GRID2: variants seen among roughly 807,000 people sequenced by gnomAD.
GRID2 encodes the protein glutamate ionotropic receptor delta type subunit 2.
GRID2 carries 33 observed loss-of-function variants against 114.8 expected under a neutral mutation model. That is an observed-to-expected ratio of 0.29 (90% CI 0.22 to 0.38). The LOEUF (loss-of-function observed/expected upper bound fraction) is 0.38, where lower values mean the gene tolerates loss of function less well. Among genes scored for constraint, GRID2 ranks in the 10% least tolerant of loss-of-function variants. The pLI is 1.00. For synonymous variants in GRID2, 505 were observed against 449.9 expected, an observed-to-expected ratio of 1.12 and a Z score of -1.55; for missense variants, 1,184 against 1,257.7, an observed-to-expected ratio of 0.94 and a Z score of 0.89.
chr4:92,923,325 T>A (rs369234926), intron 2 of GRID2, among the ~76,000 whole-genome samples: 4 of 152,198 alleles, frequency 2.6e-5, no homozygotes, highest in African/African-American at 9.6e-5. Flanking sequence ...TATATTACAA[T>A]GTGAAATCTA....
intron 4 of GRID2, chr4:93,166,239 A>G (rs2149415103): frequency 6.6e-6 from 1 of 152,310 alleles, no homozygotes; most frequent in East Asian, 1.9e-4. Context: ...CTATCTATTA[A>G]AGTGTTTCTT....
chr4:93,590,286 T>A (rs1738073100), intron 13 of GRID2, among the ~76,000 whole-genome samples: 1 of 150,492 alleles, frequency 6.6e-6, no homozygotes, highest in South Asian at 2.1e-4. Context: ...TAGCCAGTTT[T>A]CCCAGCACCA....
At chr4:93,331,132 C>T (rs1019257904) in intron 8 of GRID2, among the ~76,000 whole-genome samples, 2 of 147,050 alleles carry the variant, frequency 1.4e-5, no homozygotes, top group Non-Finnish European at 1.5e-5. Flanking sequence ...TCTAACCCCC[C>T]CCCCATTTCA....
intron 2 of GRID2, among the ~76,000 whole-genome samples, chr4:92,985,419 A>G (rs1754455312): frequency 6.6e-6 from 1 of 151,992 alleles, no homozygotes; most frequent in Admixed American, 6.5e-5. Context: ...TGTATTTTTT[A>G]GTAGAGACGG....
chr4:93,514,460 C>CACACAA (rs1037610536), intron 12 of GRID2, among the ~76,000 whole-genome samples: 2 of 149,804 alleles, frequency 1.3e-5, no homozygotes, highest in African/African-American at 4.9e-5. Flanking sequence ...CACACACACA[C>CACACAA]AATGCTAAAG....
At chr4:92,433,596 G>A (rs1380505527) in intron 1 of GRID2, among the ~76,000 whole-genome samples, 2 of 152,118 alleles carry the variant, frequency 1.3e-5, no homozygotes, top group African/African-American at 4.8e-5. Flanking sequence ...CCTGCTGCTG[G>A]GGAGTTGGGG....
intron 8 of GRID2, among the ~76,000 whole-genome samples, chr4:93,347,381 T>G (rs1453284142): frequency 6.6e-6 from 1 of 152,104 alleles, no homozygotes; most frequent in Non-Finnish European, 1.5e-5. Context: ...AAACATAATT[T>G]TATTACACCT....
chr4:92,842,326 C>T (rs1742969840), intron 2 of GRID2, among the ~76,000 whole-genome samples: 1 of 152,218 alleles, frequency 6.6e-6, no homozygotes, highest in African/African-American at 2.4e-5. Context: ...GCAATGCTCA[C>T]CATCTACTAT....
chr4:92,384,418 C>A, intron 1 of GRID2, among the ~76,000 whole-genome samples: 2 of 70,342 alleles, frequency 2.8e-5, no homozygotes, highest in African/African-American at 6.2e-5. Context: ...AGAAGTGTAC[C>A]TGTGTGTGTG....
At chr4:93,462,714 G>C (rs933176563) in intron 11 of GRID2, among the ~76,000 whole-genome samples, 1 of 152,096 alleles carries the variant, frequency 6.6e-6, no homozygotes, top group East Asian at 1.9e-4. Flanking sequence ...AACTCAAAAA[G>C]ACATCAATTT....
chr4:93,395,586 C>A (rs776990856), intron 8 of GRID2, 21 bp from the exon 9 acceptor site: 9 of 1,163,900 alleles, frequency 7.7e-6, no homozygotes, highest in Non-Finnish European at 1.2e-5. Context: ...GAAAAATGAC[C>A]AAAGTTGTCT....
chr4:92,616,613 GT>G (rs1730015212), intron 2 of GRID2, among the ~76,000 whole-genome samples: 1 of 151,112 alleles, frequency 6.6e-6, no homozygotes. Flanking sequence ...ACATATGTGT[GT>G]TTTTGTTATT....
intron 2 of GRID2, among the ~76,000 whole-genome samples, chr4:92,606,702 G>T (rs761303044): frequency 6.6e-6 from 1 of 151,808 alleles, no homozygotes; most frequent in Non-Finnish European, 1.5e-5. Context: ...ACCCAGACCT[G>T]CGTAATTTAA....
intron 12 of GRID2, among the ~76,000 whole-genome samples, chr4:93,494,009 T>A (rs1027642489): frequency 1.3e-5 from 2 of 151,800 alleles, no homozygotes; most frequent in South Asian, 2.1e-4. Flanking sequence ...TTTAAAGATA[T>A]CTTCTAATTT....
chr4:92,997,000 G>T (rs140066399), intron 2 of GRID2, among the ~76,000 whole-genome samples: 127 of 152,208 alleles, frequency 8.3e-4, no homozygotes, highest in African/African-American at 3.0e-3. Flanking sequence ...CTTGAAAGAG[G>T]TTTATCCATC....
intron 9 of GRID2, among the ~76,000 whole-genome samples, chr4:93,407,702 TCTCCTC>T (rs200696257): frequency 8.5e-6 from 1 of 117,420 alleles, no homozygotes; most frequent in Non-Finnish European, 1.7e-5. Context: ...GTTTGGAAGG[TCTCCTC>T]CTCCTCCTCC....
At chr4:92,468,955 G>T (rs932019962) in intron 1 of GRID2, among the ~76,000 whole-genome samples, 3 of 152,152 alleles carry the variant, frequency 2.0e-5, no homozygotes, top group Non-Finnish European at 4.4e-5. Flanking sequence ...AGGGATTTTG[G>T]TGTTTGAGGA....
At chr4:93,239,902 A>G (rs1747283915) in intron 8 of GRID2, among the ~76,000 whole-genome samples, 1 of 151,722 alleles carries the variant, frequency 6.6e-6, no homozygotes, top group Non-Finnish European at 1.5e-5. Context: ...AATGGTCTCA[A>G]GAATGCGTAT....
At chr4:93,406,671 C>T (rs1766460985) in intron 9 of GRID2, among the ~76,000 whole-genome samples, 1 of 152,108 alleles carries the variant, frequency 6.6e-6, no homozygotes, top group African/African-American at 2.4e-5. Context: ...ATGTATTTAT[C>T]TTTGAGTTGT....
Sources: gnomAD v4.1 joint callset for allele counts (sites outside exome capture counted in the v4.1 genomes callset) on GRCh38, gnomAD v4.1.1 for gene constraint, MANE v1.5 for transcripts, NCBI Gene and HGNC (gene_info 2026-07-23, HGNC 2026-07-21) for gene names.